The following OPCML variants were observed in gnomAD, a reference collection of about 807,000 sequenced individuals.
The protein encoded by OPCML is opioid binding protein/cell adhesion molecule like, also known as opioid-binding protein/cell adhesion molecule.
OPCML carries 13 observed loss-of-function variants against 37.8 expected under a neutral mutation model. The ratio of observed to expected loss-of-function variants is 0.34; its 90% CI spans 0.22 to 0.55. The LOEUF (loss-of-function observed/expected upper bound fraction) is 0.55. Among genes scored for constraint, OPCML ranks in the 20% least tolerant of loss-of-function variants. The pLI, the probability that OPCML is intolerant of heterozygous loss-of-function variation, is 0.91. For synonymous variants in OPCML, 176 were observed against 168.8 expected (o/e 1.04, Z -0.33); for missense variants, 341 against 435.6 (o/e 0.78, Z 1.93).
intron 2 of OPCML, among the ~76,000 whole-genome samples, chr11:132,747,998 C>A (rs528761654): frequency 2.0e-5 from 3 of 151,206 alleles, no homozygotes; most frequent in Non-Finnish European, 4.4e-5. Context: ...AAATCCTGAT[C>A]TTACTCCAAT....
At chr11:133,292,714 T>C (rs1014024460) in intron 1 of OPCML, among the ~76,000 whole-genome samples, 3 of 152,166 alleles carry the variant, frequency 2.0e-5, no homozygotes, top group African/African-American at 4.8e-5. Flanking sequence ...TCCACCTTAT[T>C]GCATTCTGCT....
At chr11:133,128,228 C>T (rs1239819929) in intron 1 of OPCML, among the ~76,000 whole-genome samples, 1 of 152,064 alleles carries the variant, frequency 6.6e-6, no homozygotes, top group Non-Finnish European at 1.5e-5. Context: ...GCATTGGCAG[C>T]CCCGTCCCCT....
At chr11:133,446,794 C>T (rs567216175) in intron 1 of OPCML, among the ~76,000 whole-genome samples, 8 of 152,306 alleles carry the variant, frequency 5.3e-5, no homozygotes, top group African/African-American at 1.9e-4. Flanking sequence ...AATCACACAA[C>T]ATTTTGTCAT....
chr11:132,593,142 T>A (rs1039902155), intron 3 of OPCML, among the ~76,000 whole-genome samples: 1 of 152,210 alleles, frequency 6.6e-6, no homozygotes, highest in Non-Finnish European at 1.5e-5. Context: ...CAGGAAAACA[T>A]GGCACTGGGC....
chr11:133,368,854 A>C (rs1944610986), intron 1 of OPCML, among the ~76,000 whole-genome samples: 1 of 152,226 alleles, frequency 6.6e-6, no homozygotes, highest in Non-Finnish European at 1.5e-5. Context: ...AGCCGGGTGC[A>C]GTAAAGGTCT....
chr11:132,600,283 A>T lies in OPCML; in HGVS notation c.379+56804T>A, dbSNP rs76920808. On this transcript the variant is annotated intron_variant, in intron 3 of 7. Transcript: ENST00000524381. ...TCAGAAAAGCCACTCACTCGGGTGG[A>T]TATCTTTAACCAAATGTTTTCGGCC... Among the ~76,000 whole-genome samples the T allele has an allele frequency of 4.5e-3, 679 of 152,336 alleles. 6 individuals carry two copies. Among genetic ancestry groups the T allele is most frequent in the African/African-American group, 0.015 (624 of 41,580 alleles).
chr11:132,492,032 A>G (rs892157039), intron 4 of OPCML, among the ~76,000 whole-genome samples: 5 of 151,168 alleles, frequency 3.3e-5, no homozygotes, highest in African/African-American at 1.2e-4. Context: ...AGCCATTTGC[A>G]CAGGGAGAGA....
chr11:133,055,064 T>C (rs1948203992), intron 1 of OPCML, among the ~76,000 whole-genome samples: 1 of 151,110 alleles, frequency 6.6e-6, no homozygotes, highest in South Asian at 2.1e-4. Context: ...GCCTCCATGA[T>C]ACTTCCAAGT....
chr11:132,592,348 G>A (rs2096485824), intron 3 of OPCML, among the ~76,000 whole-genome samples: 1 of 152,140 alleles, frequency 6.6e-6, no homozygotes, highest in Non-Finnish European at 1.5e-5. Flanking sequence ...GATCTGTGGG[G>A]AAAAATTAAA....
At chr11:132,514,571 G>A (rs991095411) in intron 4 of OPCML, among the ~76,000 whole-genome samples, 17 of 152,248 alleles carry the variant, frequency 1.1e-4, no homozygotes, top group African/African-American at 3.6e-4. Context: ...CCAGCTACAC[G>A]CAGCCTCTGA....
chr11:133,049,327 G>T (rs1160922762), intron 1 of OPCML, among the ~76,000 whole-genome samples: 1 of 152,202 alleles, frequency 6.6e-6, no homozygotes, highest in East Asian at 1.9e-4. Context: ...CCAGGGAGGA[G>T]AATGATCTGT....
At chr11:132,896,706 T>C (rs1451222112) in intron 2 of OPCML, among the ~76,000 whole-genome samples, 1 of 152,222 alleles carries the variant, frequency 6.6e-6, no homozygotes, top group Non-Finnish European at 1.5e-5. Context: ...TTCATACTGT[T>C]CTATTGATAA....
intron 2 of OPCML, among the ~76,000 whole-genome samples, chr11:132,919,957 G>A (rs1255432657): frequency 6.6e-6 from 1 of 152,246 alleles, no homozygotes; most frequent in Non-Finnish European, 1.5e-5. Flanking sequence ...CATTGAGACA[G>A]AAAGTATTTG....
chr11:132,817,828 G>C (rs555407298), intron 2 of OPCML, among the ~76,000 whole-genome samples: 2 of 151,846 alleles, frequency 1.3e-5, no homozygotes, highest in Admixed American at 1.3e-4. Context: ...TTATGGCTAC[G>C]GAAGTCTATA....
At chr11:132,527,221 G>A in intron 4 of OPCML, among the ~76,000 whole-genome samples, 1 of 152,268 alleles carries the variant, frequency 6.6e-6, no homozygotes. Flanking sequence ...GTGAGCATAT[G>A]CTTTCATTTA....
At chr11:132,917,323 GAC>G (rs1291860493) in intron 2 of OPCML, among the ~76,000 whole-genome samples, 3 of 152,160 alleles carry the variant, frequency 2.0e-5, no homozygotes, top group Non-Finnish European at 4.4e-5. Flanking sequence ...GATTTAATAA[GAC>G]AGTTATTGTT....
At chr11:133,053,084 C>A (rs951735308) in intron 1 of OPCML, among the ~76,000 whole-genome samples, 3 of 152,236 alleles carry the variant, frequency 2.0e-5, no homozygotes, top group African/African-American at 7.2e-5. Flanking sequence ...TGAACAGGAA[C>A]ATCTCCATCT....
In OPCML at chr11:133,342,468, T is replaced by A. The variant is rs184347064; in HGVS notation, c.61+189796A>T. Among the ~76,000 whole-genome samples the A allele has an allele frequency of 6.7e-4, 102 of 152,222 alleles. 1 individual carries two copies. Among genetic ancestry groups the A allele is most frequent in the African/African-American group, 2.4e-3 (98 of 41,522 alleles). On this transcript the variant is annotated intron_variant, in intron 1 of 7. Coordinates refer to ENST00000524381, the MANE Select transcript of OPCML (RefSeq NM_001012393.5). ...AGCAGGGAAAATCACTTTCAACTCA[T>A]TGAGAGGCTTCAACAGCAGAAAGAT...
intron 1 of OPCML, among the ~76,000 whole-genome samples, chr11:133,084,468 T>C (rs1948789214): frequency 6.6e-6 from 1 of 152,220 alleles, no homozygotes; most frequent in Non-Finnish European, 1.5e-5. Context: ...GAAAACTTCA[T>C]ACCAGGGAGG....
Sources: gnomAD v4.1 joint callset for allele counts (sites outside exome capture counted in the v4.1 genomes callset) on GRCh38, gnomAD v4.1.1 for gene constraint, MANE v1.5 for transcripts, NCBI Gene and HGNC (gene_info 2026-07-23, HGNC 2026-07-21) for gene names.